The following NMNAT3 variants were observed in gnomAD, a reference collection of about 807,000 sequenced individuals.
The protein encoded by NMNAT3 is nicotinamide nucleotide adenylyltransferase 3.
Under a neutral mutation model 24.8 loss-of-function variants are expected in NMNAT3, and 21 were observed. That is an observed-to-expected ratio of 0.85 (90% CI 0.60 to 1.22). NMNAT3 has a LOEUF of 1.22. Ranked by LOEUF, NMNAT3 falls within the 50% of genes most tolerant of loss-of-function variation. NMNAT3 has a pLI of 0.00. For synonymous variants in NMNAT3, 136 were observed against 155.2 expected, an observed-to-expected ratio of 0.88 and a Z score of 0.92; for missense variants, 387 against 436.6, an observed-to-expected ratio of 0.89 and a Z score of 1.01.
chr3:139,586,564 C>G (rs893796641), intron 3 of NMNAT3, among the ~76,000 whole-genome samples: 1 of 152,132 alleles, frequency 6.6e-6, no homozygotes, highest in Non-Finnish European at 1.5e-5. Context: ...AAGGGGATGG[C>G]AGAACCCAGC....
Position 139,615,412 on chromosome 3 carries a change from A to G in NMNAT3, c.109+12204T>C, listed in dbSNP as rs1046849715. On this transcript the variant is annotated intron_variant, in intron 3 of 6. Coordinates refer to ENST00000643695, the MANE Select transcript of NMNAT3 (RefSeq NM_001320510.2). The stretch of plus-strand genomic sequence containing the variant: ...TGTGTATCTATATAAATATCCACAC[A>G]CATTTTCTATCTATCTATCTATCTA... 1.5e-4 allele frequency among the ~76,000 whole-genome samples: 16 copies of G among 110,322 alleles called. 1 individual carries two copies. Among genetic ancestry groups the G allele is most frequent in the Admixed American group, 9.1e-4 (9 of 9,938 alleles). The allele number at this position is 110,322 out of a possible 152,430, so 72.4% of individuals were successfully genotyped here. A position where few individuals can be genotyped will look rare whatever the true frequency, so the allele number is the denominator to read the frequency against.
Position 139,647,028 on chromosome 3 carries a change from T to G in NMNAT3, c.-140-8966A>C, listed in dbSNP as rs1040754515. The stretch of plus-strand genomic sequence containing the variant: ...TGCACATCTGGGAAGATTTAAAAAA[T>G]GTATGGCATGGGTTTGGTTTGATCT... On this transcript the variant is annotated intron_variant, in intron 1 of 6. Transcript: ENST00000643695. Among the ~76,000 whole-genome samples, 17 of 152,338 alleles carry G rather than the reference T, an allele frequency of 1.1e-4. 1 individual carries two copies. Among genetic ancestry groups the G allele is most frequent in the Admixed American group, 3.9e-4 (6 of 15,298 alleles).
intron 6 of NMNAT3, chr3:139,567,445 A>G (rs1937418167): frequency 6.6e-6 from 1 of 152,196 alleles, no homozygotes; most frequent in Non-Finnish European, 1.5e-5. Context: ...GCCCGTTTTC[A>G]AAGGGAATGC....
chr3:139,630,201 T>G (rs2056234489), intron 2 of NMNAT3, among the ~76,000 whole-genome samples: 1 of 152,180 alleles, frequency 6.6e-6, no homozygotes, highest in Admixed American at 6.5e-5. Context: ...GAACCTCCTG[T>G]AGATTTTGCT....
At chr3:139,564,368 AC>A (rs1303053205) in intron 6 of NMNAT3, among the ~76,000 whole-genome samples, 1 of 152,196 alleles carries the variant, frequency 6.6e-6, no homozygotes, top group Non-Finnish European at 1.5e-5. Context: ...ATACAAGGCC[AC>A]CTTGGAACAT....
chr3:139,596,629 C>T (rs945115868), intron 3 of NMNAT3, among the ~76,000 whole-genome samples: 4 of 151,938 alleles, frequency 2.6e-5, no homozygotes, highest in Non-Finnish European at 5.9e-5. Context: ...GCTTTCTGAG[C>T]ACCTGGTTAG....
At chr3:139,591,872 A>G (rs1289476588) in intron 3 of NMNAT3, among the ~76,000 whole-genome samples, 1 of 152,250 alleles carries the variant, frequency 6.6e-6, no homozygotes, top group Non-Finnish European at 1.5e-5. Flanking sequence ...ATGGGGAAAA[A>G]ACAGAGCAGA....
intron 6 of NMNAT3, chr3:139,566,994 A>G (rs1937335057): frequency 6.6e-6 from 1 of 151,932 alleles, no homozygotes; most frequent in African/African-American, 2.4e-5. Flanking sequence ...CCTACCCATG[A>G]GCATGGAATG....
intron 6 of NMNAT3, chr3:139,565,751 C>T (rs1400179297): frequency 1.3e-5 from 2 of 152,192 alleles, no homozygotes; most frequent in African/African-American, 4.8e-5. Context: ...TTTTCTTAAT[C>T]CAGTCTATCG....
intron 3 of NMNAT3, among the ~76,000 whole-genome samples, chr3:139,586,614 A>T (rs1307452252): frequency 6.6e-6 from 1 of 152,134 alleles, no homozygotes; most frequent in African/African-American, 2.4e-5. Context: ...GACTCCCACA[A>T]CTGGCTCTTG....
rs2053694422 is a variant in NMNAT3, at chr3:139,582,572, G to A, written c.391+355C>T. Among the ~76,000 whole-genome samples the A allele has an allele frequency of 5.0e-5, 7 of 140,324 alleles. No homozygotes were observed. In the South Asian group the frequency reaches 1.6e-3, roughly 33 times the overall value. 92.1% of individuals were successfully genotyped at this position (140,324 alleles called of 152,430 possible). ...TGGGTGGATCACTTGAACCCAGGAG[G>A]AGGAGGTTGCAGTGAGTCAAGATTG... On this transcript the variant is annotated intron_variant, in intron 4 of 6. Transcript: ENST00000643695.
intron 3 of NMNAT3, among the ~76,000 whole-genome samples, chr3:139,586,139 C>T (rs2108141770): frequency 6.6e-6 from 1 of 152,266 alleles, no homozygotes; most frequent in South Asian, 2.1e-4. Context: ...AAAACCAATA[C>T]CGCATGTTCT....
Position 139,602,080 on chromosome 3 carries a change from C to T in NMNAT3, c.110-18872G>A, listed in dbSNP as rs374750073. On this transcript the variant is annotated intron_variant, in intron 3 of 6. Coordinates refer to ENST00000643695, the MANE Select transcript of NMNAT3 (RefSeq NM_001320510.2). ...ACTCAAGGAAGCTGTCCAAGATATG[C>T]GGGGGATTCAATAAAATAGGTCATG... Among the ~76,000 whole-genome samples the T allele has an allele frequency of 1.7e-4, 26 of 152,242 alleles. 1 individual carries two copies. Among genetic ancestry groups the T allele is most frequent in the Admixed American group, 9.1e-4 (14 of 15,302 alleles).
intron 3 of NMNAT3, among the ~76,000 whole-genome samples, chr3:139,608,930 C>CT (rs1372089420): frequency 1.3e-5 from 2 of 152,236 alleles, no homozygotes; most frequent in Non-Finnish European, 2.9e-5. Flanking sequence ...CTGTTAACCA[C>CT]TGATATGTTC....
In NMNAT3 at chr3:139,582,964, G is replaced by C; in HGVS notation, c.354C>G (p.Asn118Lys). 6.4e-7 allele frequency: 1 copy of C among 1,552,350 alleles called. No homozygotes were observed. ...CATCAGTGAATATTTTGTTTGTTTGGTTCCAGGTGCTATCTATAAATATAA... is the reference window on the plus strand; with the variant it reads ...CATCAGTGAATATTTTGTTTGTTTGCTTCCAGGTGCTATCTATAAATATAA... The change falls in exon 4 of 7, where the codon AAC becomes AAG. Residue 118 changes from asparagine to lysine, a missense_variant. By Grantham distance (94) the Asn-to-Lys change is moderately conservative. This residue lies in a region of NMNAT3 where 323 missense variants were observed against 345.2 expected (regional missense o/e 0.94). Transcript: ENST00000643695.
At chr3:139,599,190 C>T in intron 3 of NMNAT3, 1 of 582,420 alleles carries the variant, frequency 1.7e-6, no homozygotes. Context: ...AATTACCATA[C>T]ATATTTAAAA....
At chr3:139,592,512 A>T (rs1261228815) in intron 3 of NMNAT3, among the ~76,000 whole-genome samples, 15 of 152,196 alleles carry the variant, frequency 9.9e-5, no homozygotes, top group Non-Finnish European at 2.1e-4. Context: ...CAAGACACAT[A>T]ATTGTCAGAT....
intron 6 of NMNAT3, among the ~76,000 whole-genome samples, chr3:139,562,880 G>A (rs1317695399): frequency 6.6e-6 from 1 of 152,198 alleles, no homozygotes; most frequent in Non-Finnish European, 1.5e-5. Context: ...TACTGGTCTA[G>A]TAAACGATAT....
At chr3:139,647,170 C>G (rs2056898949) in intron 1 of NMNAT3, among the ~76,000 whole-genome samples, 2 of 152,220 alleles carry the variant, frequency 1.3e-5, no homozygotes. Context: ...TTTGTAATTT[C>G]ACTCATTACA....
Sources: allele counts gnomAD v4.1 joint callset (sites outside exome capture counted in the v4.1 genomes callset), GRCh38; gene constraint gnomAD v4.1.1; regional missense constraint gnomAD v4.1.1; transcripts MANE v1.5; gene names NCBI Gene and HGNC (gene_info 2026-07-23, HGNC 2026-07-21).